NUP160: variants seen among roughly 807,000 people sequenced by gnomAD.
NUP160 encodes nuclear pore complex protein Nup160.
NUP160 carries 94 observed loss-of-function variants against 196.9 expected under a neutral mutation model. The observed-to-expected ratio is 0.48, with a 90% CI of 0.40 to 0.57. The LOEUF is 0.57. Ranked by LOEUF, NUP160 falls within the 20% of genes least tolerant of loss-of-function variation. NUP160 has a pLI of 0.00. For missense variants in NUP160, 1,638 were observed against 1,748.3 expected (o/e 0.94, Z 1.13); for synonymous variants, 605 against 619.7 (o/e 0.98, Z 0.35).
chr11:47,781,968 T>G (rs2097661107), intron 34 of NUP160, among the ~76,000 whole-genome samples: 1 of 152,088 alleles, frequency 6.6e-6, no homozygotes, highest in Non-Finnish European at 1.5e-5. Flanking sequence ...ATTCTCACCT[T>G]ACATAGCATG....
chr11:47,801,705 G>C, intron 23 of NUP160, 106 bp downstream of exon 23: 1 of 1,071,308 alleles, frequency 9.3e-7, no homozygotes, highest in Non-Finnish European at 1.4e-6. Context: ...GAAGTTCAGG[G>C]AGCAACTGAA....
Position 47,847,978 on chromosome 11 carries a change from C to A in NUP160, c.203-19G>T. On this transcript the variant is annotated intron_variant, in intron 1 of 35. Transcript: ENST00000378460. ...GCAGTCCCTGCAAAATGAACGTGGT[C>A]AGCCTGCACACGCGTCTTCTGAGAA... 1 of 1,581,866 alleles carries A rather than the reference C, an allele frequency of 6.3e-7. No individual in the cohort carries two copies. Among genetic ancestry groups the A allele is most frequent in the South Asian group, 1.1e-5 (1 of 90,424 alleles).
At chr11:47,781,719 T>A (rs1465335261) in intron 34 of NUP160, among the ~76,000 whole-genome samples, 2 of 152,152 alleles carry the variant, frequency 1.3e-5, no homozygotes, top group African/African-American at 4.8e-5. Context: ...AAGGCTGCTA[T>A]AAGGATTAAA....
intron 2 of NUP160, chr11:47,841,519 C>A (rs1852297153): frequency 2.4e-6 from 1 of 409,552 alleles, no homozygotes; most frequent in African/African-American, 2.1e-5. Flanking sequence ...CACTGGCCAC[C>A]ACATGGTCCA....
chr11:47,839,746 T>A, intron 4 of NUP160, 97 bp downstream of exon 4: 1 of 1,005,770 alleles, frequency 9.9e-7, no homozygotes, highest in Non-Finnish European at 1.6e-6. Context: ...TCCGGGGCAG[T>A]AGAGATGCAA....
chr11:47,807,482 A>T (rs1317154134), intron 18 of NUP160, among the ~76,000 whole-genome samples: 1 of 152,110 alleles, frequency 6.6e-6, no homozygotes, highest in Non-Finnish European at 1.5e-5. Context: ...CCTGGCCAAC[A>T]TGGTGAAACG....
At chr11:47,815,860 A>AATTACTG in intron 12 of NUP160, 86 bp downstream of exon 12, 1 of 1,115,840 alleles carries the variant, frequency 9.0e-7, no homozygotes, top group South Asian at 1.4e-5. Context: ...GGTCAAGTGA[A>AATTACTG]GAATTCCAGT....
intron 2 of NUP160, among the ~76,000 whole-genome samples, chr11:47,845,880 C>G (rs1852391329): frequency 6.6e-6 from 1 of 152,090 alleles, no homozygotes; most frequent in Admixed American, 6.6e-5. Context: ...CGCCTGTAAT[C>G]CTAGCAAGTT....
At chr11:47,792,249 C>T (rs1478169486) in intron 28 of NUP160, 17 of 383,052 alleles carry the variant, frequency 4.4e-5, no homozygotes, top group East Asian at 1.5e-4. Flanking sequence ...TAATTTTTCT[C>T]GGCTCCAGAG....
chr11:47,846,773 CA>C (rs2135408259), intron 2 of NUP160, among the ~76,000 whole-genome samples: 3 of 152,240 alleles, frequency 2.0e-5, no homozygotes, highest in South Asian at 2.1e-4. Flanking sequence ...AATTTAGATT[CA>C]GGGGTACATG....
exon 36 of NUP160, chr11:47,778,944 C>T: frequency 1.7e-6 from 1 of 580,790 alleles, no homozygotes; most frequent in Non-Finnish European, 3.1e-6. Context: ...GCACAGGGTC[C>T]TCTGACTCTT....
chr11:47,806,923 G>A, intron 19 of NUP160, 147 bp downstream of exon 19: 1 of 604,336 alleles, frequency 1.7e-6, no homozygotes, highest in Non-Finnish European at 3.0e-6. Context: ...GCCACAAACG[G>A]AGATCTCAGG....
At position 47,835,638 on chromosome 11, in the gene NUP160, A is replaced by G. The variant is rs369788349; in HGVS notation, c.1101+13T>C. 3.0e-5 allele frequency: 46 copies of G among 1,553,482 alleles called. No individual in the cohort carries two copies. Among genetic ancestry groups the G allele is most frequent in the Non-Finnish European group, 3.7e-5 (43 of 1,150,010 alleles). ...CACAGAATAACTTGGTATGTGTCTT[A>G]TTTGTTTCATACCTGTCCTCGTTTT... On this transcript the variant is annotated intron_variant, in intron 7 of 35. Coordinates refer to ENST00000378460, the Ensembl canonical transcript of NUP160.
exon 28 of NUP160, chr11:47,792,854 C>T: frequency 1.2e-6 from 2 of 1,614,172 alleles, no homozygotes; most frequent in Non-Finnish European, 1.7e-6. Context: ...CAATTGAGAG[C>T]AGCCAGATAA....
chr11:47,835,059 G>A (rs576851582), intron 7 of NUP160, among the ~76,000 whole-genome samples: 1 of 152,204 alleles, frequency 6.6e-6, no homozygotes, highest in Non-Finnish European at 1.5e-5. Context: ...GGACTCAGTG[G>A]GGGAATCAGA....
intron 4 of NUP160, 63 bp downstream of exon 4, chr11:47,839,779 TG>T: frequency 7.4e-7 from 1 of 1,346,494 alleles, no homozygotes; most frequent in South Asian, 1.2e-5. Flanking sequence ...ATGACGAGGT[TG>T]AACTGTTTCA....
Position 47,809,734 on chromosome 11 carries a change from CA to C in NUP160, c.2242-1206del, listed in dbSNP as rs779243939. Among the ~76,000 whole-genome samples the C allele has an allele frequency of 3.6e-3, 174 of 47,884 alleles. 1 individual carries two copies. The highest frequency in any genetic ancestry group is 0.016 in the African/African-American group (162 of 10,150). 31.4% of individuals were successfully genotyped at this position (47,884 alleles called of 152,430 possible). ...AGCCTGGGCTACAGAGCAAGACTCT[CA>C]AAAAAAAAAAAAAAAAAAAAAAAGA... On this transcript the variant is annotated intron_variant, in intron 17 of 35. Coordinates refer to ENST00000378460, the Ensembl canonical transcript of NUP160.
intron 21 of NUP160, 66 bp downstream of exon 21, chr11:47,804,483 G>C: frequency 9.2e-7 from 1 of 1,083,202 alleles, no homozygotes; most frequent in Non-Finnish European, 1.3e-6. Context: ...CATTTACAAA[G>C]AAAAAAATTC....
intron 4 of NUP160, 78 bp from the exon 5 acceptor site, chr11:47,837,701 T>G (rs1852204334): frequency 1.8e-6 from 2 of 1,084,364 alleles, no homozygotes; most frequent in Non-Finnish European, 2.8e-6. Flanking sequence ...ATGAACAAGG[T>G]CTTTATAATA....
Sources: gnomAD v4.1 joint callset for allele counts (sites outside exome capture counted in the v4.1 genomes callset) on GRCh38, gnomAD v4.1.1 for gene constraint, MANE v1.5 for transcripts, NCBI Gene and HGNC (gene_info 2026-07-23, HGNC 2026-07-21) for gene names.